Variants in MAK observed in about 807,000 individuals in gnomAD.
The protein encoded by MAK is serine/threonine-protein kinase MAK.
Under a neutral mutation model 82.6 loss-of-function variants are expected in MAK, and 65 were observed. That is an observed-to-expected ratio of 0.79 (90% CI 0.64 to 0.97). The LOEUF (loss-of-function observed/expected upper bound fraction) is 0.97, where lower values mean the gene tolerates loss of function less well. MAK is among the 50% of genes least tolerant of loss of function. The pLI is 0.00. For synonymous variants in MAK, 250 were observed against 274.2 expected (o/e 0.91, Z 0.87); for missense variants, 703 against 780.2 (o/e 0.90, Z 1.18).
At chr6:10,827,062 G>C (rs1182886182) in intron 2 of MAK, among the ~76,000 whole-genome samples, 1 of 152,180 alleles carries the variant, frequency 6.6e-6, no homozygotes, top group Non-Finnish European at 1.5e-5. Flanking sequence ...GGTGAGCTGA[G>C]ATCGCGCCAC....
At chr6:10,773,941 C>T (rs995006981) in intron 12 of MAK, among the ~76,000 whole-genome samples, 4 of 151,924 alleles carry the variant, frequency 2.6e-5, no homozygotes, top group Non-Finnish European at 5.9e-5. Context: ...CCTTGTGATT[C>T]GCCCACCTCG....
At chr6:10,794,373 T>C (rs1775334658) in intron 9 of MAK, among the ~76,000 whole-genome samples, 1 of 152,078 alleles carries the variant, frequency 6.6e-6, no homozygotes, top group African/African-American at 2.4e-5. Flanking sequence ...CACACAAACA[T>C]TCCTGACCTC....
intron 11 of MAK, among the ~76,000 whole-genome samples, chr6:10,781,680 TC>T (rs113519207): frequency 1.6e-4 from 24 of 152,104 alleles, no homozygotes; most frequent in African/African-American, 5.8e-4. Flanking sequence ...TGCCTCAGCC[TC>T]CCAAAGTGCT....
chr6:10,823,474 T>A (rs1406541091), intron 2 of MAK, among the ~76,000 whole-genome samples: 1 of 152,190 alleles, frequency 6.6e-6, no homozygotes, highest in East Asian at 1.9e-4. Context: ...ACTCTGAAAA[T>A]TAAGAATAGG....
At chr6:10,824,759 C>T (rs1273661612) in intron 2 of MAK, among the ~76,000 whole-genome samples, 1 of 152,194 alleles carries the variant, frequency 6.6e-6, no homozygotes, top group Non-Finnish European at 1.5e-5. Context: ...TCACAACTCT[C>T]CAAAGCTCCA....
chr6:10,764,565 C>G lies in MAK; in HGVS notation c.1834G>C (p.Gly612Arg), dbSNP rs201628941. ...TTTGCTGTAGGATTATAAGTACGTC[C>G]TGAAAACTGCCCCCGACCAGTTTTT... ...NTKTGRGQFS[G>R]RTYNPTAKNL... The change falls in exon 15 of 15, where the codon GGA (glycine) becomes CGA (arginine). Residue 612 changes from glycine to arginine, a missense_variant. Coordinates refer to ENST00000354489, the MANE Select transcript of MAK (RefSeq NM_001242957.3). The G allele has an allele frequency of 2.5e-4, 411 of 1,614,064 alleles. 1 individual carries two copies. In the Middle Eastern group the frequency reaches 2.6e-3, roughly 10 times the overall value.
At chr6:10,769,562 G>A (rs1772798928) in intron 14 of MAK, among the ~76,000 whole-genome samples, 3 of 152,288 alleles carry the variant, frequency 2.0e-5, no homozygotes, top group South Asian at 2.1e-4. Flanking sequence ...TAATTTCTAC[G>A]CCCTAAGATG....
chr6:10,765,440 AT>A (rs200536068), intron 14 of MAK, among the ~76,000 whole-genome samples: 131 of 130,416 alleles, frequency 1.0e-3, no homozygotes, highest in Non-Finnish European at 1.4e-3. Flanking sequence ...TAGAATGAAG[AT>A]TTTTTTTTTT....
chr6:10,771,017 T>C (rs1466691112), intron 13 of MAK, among the ~76,000 whole-genome samples: 1 of 151,952 alleles, frequency 6.6e-6, no homozygotes, highest in Non-Finnish European at 1.5e-5. Context: ...GGGGGGTGCG[T>C]TGTCCATGAA....
At chr6:10,808,727 C>T (rs1220436625) in intron 6 of MAK, 83 bp downstream of exon 6, 7 of 1,334,722 alleles carry the variant, frequency 5.2e-6, no homozygotes, top group Non-Finnish European at 7.5e-6. Flanking sequence ...CAATATGGAA[C>T]TTCCAGAAAT....
rs138634962 is a variant in MAK, at chr6:10,831,050, T to A, written c.-229-173A>T. Among the ~76,000 whole-genome samples, 149 of 152,334 alleles carry A rather than the reference T, an allele frequency of 9.8e-4. No individual in the cohort carries two copies. The East Asian group carries it at 0.012, about 12-fold the overall frequency. ...ATGAAGTTCACATATAACTCACTGG[T>A]AATACTCACTTGGTAAATGCCTCAT... On this transcript the variant is annotated intron_variant, in intron 1 of 14. Coordinates refer to ENST00000354489, the MANE Select transcript of MAK (RefSeq NM_001242957.3).
Position 10,818,913 on chromosome 6 carries a change from A to T in MAK, c.129T>A (p.Asp43Glu). The T allele has an allele frequency of 6.3e-7, 1 of 1,590,754 alleles. No individual in the cohort carries two copies. Among genetic ancestry groups the T allele is most frequent in the Non-Finnish European group, 8.6e-7 (1 of 1,159,462 alleles). The change falls in exon 3 of 15, where the codon GAT becomes GAA. Residue 43 changes from aspartate to glutamate, a missense_variant. Asp to Glu is a conservative substitution (Grantham distance 45). Transcript: ENST00000354489. ...KRMKRKFYSW[D>E]ECMNLREVKS... ...TAACTTCTCTCAAGTTCATGCATTC[A>T]TCCCAAGAATAGAACTTTCTCTTCA...
chr6:10,791,814 T>C lies in MAK; in HGVS notation c.1177A>G (p.Arg393Gly). The stretch of plus-strand genomic sequence containing the variant: ...AAGATAGTCTGACCCCAACGCCTCC[T>C]ACCACTTTTATGACTCAGTGTGCCA... The part of the protein sequence containing the change: ...PNGTLSHKSG[R>G]RRWGQTIFKS... Residue 393 changes from arginine to glycine, a missense_variant, in exon 10 of 15, where the codon AGG becomes GGG. Coordinates refer to ENST00000354489, the MANE Select transcript of MAK (RefSeq NM_001242957.3). 6.2e-7 allele frequency: 1 copy of C among 1,614,192 alleles called. No individual in the cohort carries two copies. The highest frequency in any genetic ancestry group is 8.5e-7 in the Non-Finnish European group (1 of 1,180,020).
At chr6:10,813,513 G>A in intron 5 of MAK, 131 bp downstream of exon 5, 1 of 643,962 alleles carries the variant, frequency 1.6e-6, no homozygotes. Context: ...AAAAATGTCA[G>A]TGTGTATAGG....
chr6:10,780,191 A>G (rs1475745986), intron 11 of MAK: 2 of 900,354 alleles, frequency 2.2e-6, no homozygotes, highest in Non-Finnish European at 2.7e-6. Flanking sequence ...ATTCTTTGTA[A>G]TTGAGTTTAC....
At chr6:10,775,131 T>C (rs1773354427) in intron 12 of MAK, among the ~76,000 whole-genome samples, 197 bp downstream of exon 12, 1 of 152,106 alleles carries the variant, frequency 6.6e-6, no homozygotes, top group African/African-American at 2.4e-5. Context: ...TACAAACAGT[T>C]TTATTGAAGA....
chr6:10,830,006 T>C (rs1410306261), intron 2 of MAK, among the ~76,000 whole-genome samples: 1 of 150,524 alleles, frequency 6.6e-6, no homozygotes, highest in Non-Finnish European at 1.5e-5. Flanking sequence ...CTGGCTAATT[T>C]TTGTATTTTT....
At chr6:10,778,893 T>A (rs1019366499) in intron 11 of MAK, among the ~76,000 whole-genome samples, 1 of 151,850 alleles carries the variant, frequency 6.6e-6, no homozygotes, top group East Asian at 1.9e-4. Context: ...TTTGGGAGGC[T>A]GAGGTGGGCG....
intron 8 of MAK, chr6:10,798,114 CTTTTTTTTT>C (rs554907132): frequency 4.3e-5 from 6 of 138,284 alleles, no homozygotes; most frequent in African/African-American, 1.8e-4. Flanking sequence ...CAACTCTTCC[CTTTTTTTTT>C]TTTTTTTTTT....
Sources: gnomAD v4.1 joint callset for allele counts (sites outside exome capture counted in the v4.1 genomes callset) on GRCh38, gnomAD v4.1.1 for gene constraint, MANE v1.5 for transcripts, NCBI Gene and HGNC (gene_info 2026-07-23, HGNC 2026-07-21) for gene names.